CPLX1: variants seen among roughly 807,000 people sequenced by gnomAD.
CPLX1 encodes the protein complexin-1.
A neutral mutation model predicts 15.6 loss-of-function variants in CPLX1; 6 were observed. The observed-to-expected ratio is 0.39, with a 90% CI of 0.21 to 0.76. The LOEUF (loss-of-function observed/expected upper bound fraction) is 0.76, where lower values mean the gene tolerates loss of function less well. CPLX1 is among the 30% of genes least tolerant of loss of function. The pLI, the probability that CPLX1 is intolerant of heterozygous loss-of-function variation, is 0.43. For missense variants in CPLX1, 242 were observed against 188.6 expected, an observed-to-expected ratio of 1.28 and a Z score of -1.66; for synonymous variants, 91 against 75.2, an observed-to-expected ratio of 1.21 and a Z score of -1.08.
rs1473088658 is a variant in CPLX1, at chr4:794,127, G to A, written c.32-1519C>T. Among the ~76,000 whole-genome samples the A allele has an allele frequency of 4.6e-5, 7 of 152,388 alleles. No homozygotes were observed. In the South Asian group the frequency reaches 1.4e-3, roughly 32 times the overall value. On this transcript the variant is annotated intron_variant, in intron 2 of 3. Transcript: ENST00000304062. ...GTCACTCAGGAGTGAGCTCCCTGTC[G>A]AGGGTGGGCAGGAGCTGTCATTTGG... is the stretch of plus-strand genomic sequence containing the variant.
intron 2 of CPLX1, among the ~76,000 whole-genome samples, chr4:796,222 T>A (rs1190849266): frequency 6.6e-6 from 1 of 152,322 alleles, no homozygotes; most frequent in South Asian, 2.1e-4. Context: ...TAATTGTAGA[T>A]TTACGGAAGA....
chr4:798,976 T>C (rs929891258), intron 2 of CPLX1, among the ~76,000 whole-genome samples: 4 of 152,248 alleles, frequency 2.6e-5, no homozygotes, highest in Non-Finnish European at 5.9e-5. Flanking sequence ...TTAAACATTT[T>C]TGCTCTTCTG....
rs375897269 is a variant in CPLX1, at chr4:796,291, C to T, written c.32-3683G>A. ...GCTGACATTGCAGCCACCGAGTGTTCGTCAAAGCTGAGACCTGGACATGGT... is the reference window on the plus strand; with the variant it reads ...GCTGACATTGCAGCCACCGAGTGTTTGTCAAAGCTGAGACCTGGACATGGT... On this transcript the variant is annotated intron_variant, in intron 2 of 3. Coordinates refer to ENST00000304062, the MANE Select transcript of CPLX1 (RefSeq NM_006651.4). 1.1e-3 allele frequency among the ~76,000 whole-genome samples: 170 copies of T among 152,274 alleles called. 3 individuals carry two copies. The South Asian group carries it at 0.031, about 27-fold the overall frequency.
chr4:808,312 C>A (rs1746595811), intron 2 of CPLX1, among the ~76,000 whole-genome samples: 1 of 152,104 alleles, frequency 6.6e-6, no homozygotes, highest in African/African-American at 2.4e-5. Flanking sequence ...ATCTCTCTAA[C>A]AACAAACGAG....
intron 2 of CPLX1, among the ~76,000 whole-genome samples, chr4:817,332 T>C (rs1471081152): frequency 6.6e-6 from 1 of 150,612 alleles, no homozygotes; most frequent in Non-Finnish European, 1.5e-5. Flanking sequence ...GGCAGGTGGA[T>C]TGCCTGGGTT....
chr4:787,599 G>A, intron 3 of CPLX1: 1 of 849,374 alleles, frequency 1.2e-6, no homozygotes. Context: ...GGTCGCGAGT[G>A]GTCAAGAAAC....
intron 2 of CPLX1, among the ~76,000 whole-genome samples, chr4:803,974 C>G (rs957125670): frequency 1.3e-5 from 2 of 152,246 alleles, no homozygotes; most frequent in Non-Finnish European, 2.9e-5. Context: ...CCTGGCCTCA[C>G]GGTGCCTTTT....
In CPLX1 at chr4:786,448, G is replaced by A. The variant is rs569246989; in HGVS notation, c.*53C>T. On this transcript the variant is annotated 3_prime_UTR_variant, in exon 4 of 4. Transcript: ENST00000304062. ...CTCGTCCCTCAGGGGCCTCCGCGGAGGATCTGTAGGGGGAGGGGCGGGGGC... is the reference window on the plus strand; with the variant it reads ...CTCGTCCCTCAGGGGCCTCCGCGGAAGATCTGTAGGGGGAGGGGCGGGGGC... 1 of 1,489,874 alleles carries A rather than the reference G, an allele frequency of 6.7e-7. No individual in the cohort carries two copies. The highest frequency in any genetic ancestry group is 1.4e-5 in the African/African-American group (1 of 70,812). 92.3% of individuals were successfully genotyped at this position (1,489,874 alleles called of 1,614,324 possible).
intron 2 of CPLX1, among the ~76,000 whole-genome samples, chr4:796,720 C>T (rs1746348691): frequency 6.6e-6 from 1 of 152,160 alleles, no homozygotes; most frequent in Admixed American, 6.5e-5. Context: ...AGGGTAACTC[C>T]ACACGTAAAG....
chr4:797,527 C>T (rs1746365002), intron 2 of CPLX1, among the ~76,000 whole-genome samples: 2 of 152,228 alleles, frequency 1.3e-5, no homozygotes, highest in South Asian at 4.1e-4. Context: ...GGGGTTTCAC[C>T]GTGTTGGTCA....
intron 2 of CPLX1, among the ~76,000 whole-genome samples, chr4:810,585 G>C (rs558368784): frequency 6.6e-6 from 1 of 152,170 alleles, no homozygotes; most frequent in Non-Finnish European, 1.5e-5. Flanking sequence ...GTGTGTCCCC[G>C]TGACCAGCAC....
rs185384820 is a variant in CPLX1, at chr4:810,943, C to T, written c.31+13549G>A. Among the ~76,000 whole-genome samples, 81 of 151,974 alleles carry T rather than the reference C, an allele frequency of 5.3e-4. No individual in the cohort carries two copies. The Middle Eastern group carries it at 0.014, about 26-fold the overall frequency. On this transcript the variant is annotated intron_variant, in intron 2 of 3. Transcript: ENST00000304062. ...AACTCCTGAGCTCAGGTGATCCGCC[C>T]GCCTCAGCCTCCCAAAGTGCTGGGA...
At chr4:792,719 C>T (rs1000123879) in intron 2 of CPLX1, 111 bp from the exon 3 acceptor site, 1 of 1,232,606 alleles carries the variant, frequency 8.1e-7, no homozygotes, top group Non-Finnish European at 1.1e-6. Flanking sequence ...CCTCCATCCA[C>T]TCGACCCTCT....
At chr4:814,307 G>T (rs1746710720) in intron 2 of CPLX1, among the ~76,000 whole-genome samples, 1 of 152,132 alleles carries the variant, frequency 6.6e-6, no homozygotes, top group African/African-American at 2.4e-5. Flanking sequence ...CTGCCTCCTG[G>T]GTTCAAGTGA....
At chr4:821,011 C>A (rs1746851627) in intron 2 of CPLX1, among the ~76,000 whole-genome samples, 2 of 152,178 alleles carry the variant, frequency 1.3e-5, no homozygotes, top group South Asian at 4.1e-4. Flanking sequence ...TCCTCCCCCT[C>A]ACGCCAAACC....
At chr4:801,936 T>G (rs1746467915) in intron 2 of CPLX1, among the ~76,000 whole-genome samples, 1 of 152,256 alleles carries the variant, frequency 6.6e-6, no homozygotes, top group Non-Finnish European at 1.5e-5. Flanking sequence ...GTGGAGGAAC[T>G]GGAACACTCA....
At chr4:787,812 C>T (rs1746047358) in intron 3 of CPLX1, 3 of 985,316 alleles carry the variant, frequency 3.0e-6, no homozygotes, top group African/African-American at 3.5e-5. Flanking sequence ...CCCAGGAAGC[C>T]TGTGGTCATG....
At chr4:810,676 T>C (rs1576995075) in intron 2 of CPLX1, among the ~76,000 whole-genome samples, 1 of 152,138 alleles carries the variant, frequency 6.6e-6, no homozygotes, top group African/African-American at 2.4e-5. Context: ...TTCAAATCTT[T>C]TGCACATTTT....
At chr4:814,066 T>G (rs1486174297) in intron 2 of CPLX1, among the ~76,000 whole-genome samples, 2 of 152,186 alleles carry the variant, frequency 1.3e-5, no homozygotes, top group African/African-American at 4.8e-5. Flanking sequence ...GCCAGACATG[T>G]GAACTCAGAG....
Sources: gnomAD v4.1 joint callset for allele counts (sites outside exome capture counted in the v4.1 genomes callset) on GRCh38, gnomAD v4.1.1 for gene constraint, MANE v1.5 for transcripts, NCBI Gene and HGNC (gene_info 2026-07-23, HGNC 2026-07-21) for gene names.